Variants in POU2F1 observed in about 807,000 individuals in gnomAD.
POU2F1 encodes POU domain, class 2, transcription factor 1.
POU2F1 carries 16 observed loss-of-function variants against 84.9 expected under a neutral mutation model. The observed-to-expected ratio is 0.19, with a 90% CI of 0.13 to 0.29. The LOEUF (loss-of-function observed/expected upper bound fraction) is 0.29, where lower values mean the gene tolerates loss of function less well. Among genes scored for constraint, POU2F1 ranks in the 10% least tolerant of loss-of-function variants. POU2F1 has a pLI of 1.00. For synonymous variants in POU2F1, 368 were observed against 368.3 expected (o/e 1.00, Z 0.01); for missense variants, 738 against 942.6 (o/e 0.78, Z 2.84).
intron 1 of POU2F1, among the ~76,000 whole-genome samples, chr1:167,232,828 G>A (rs1649163438): frequency 6.7e-6 from 1 of 150,252 alleles, no homozygotes; most frequent in Admixed American, 6.6e-5. Flanking sequence ...GGGTGACAGA[G>A]TGTGAGACTC....
At chr1:167,285,710 C>T (rs763439855) in intron 1 of POU2F1, among the ~76,000 whole-genome samples, 3 of 152,124 alleles carry the variant, frequency 2.0e-5, no homozygotes, top group South Asian at 2.1e-4. Flanking sequence ...TCTTCTCTGC[C>T]GTATCCTGGG....
Position 167,412,269 on chromosome 1 carries a change from C to T in POU2F1, c.1866C>T (p.Asn622=), listed in dbSNP as rs1052172265. The change falls in exon 14 of 16, where the codon AAC becomes AAT. Residue 622 remains asparagine, a synonymous_variant. Transcript: ENST00000367866. ...CCATGGCAGCTGCTGCAGGACTAAA[C>T]CCAAGCCTGATGGCACCCTCACAGT... ...LAAMAAAAGL[N]PSLMAPSQFA... is the part of the protein sequence containing the mutation. 3 of 1,571,854 alleles carry T rather than the reference C, an allele frequency of 1.9e-6. No individual in the cohort carries two copies. Among genetic ancestry groups the T allele is most frequent in the Non-Finnish European group, 1.7e-6 (2 of 1,156,616 alleles).
chr1:167,274,125 CT>C (rs1652559443), intron 1 of POU2F1, among the ~76,000 whole-genome samples: 1 of 152,078 alleles, frequency 6.6e-6, no homozygotes, highest in Admixed American at 6.5e-5. Context: ...TTGAGATTTT[CT>C]TTTTGTGTGT....
intron 1 of POU2F1, among the ~76,000 whole-genome samples, chr1:167,224,814 G>C (rs1437594933): frequency 6.8e-6 from 1 of 146,092 alleles, no homozygotes; most frequent in Non-Finnish European, 1.5e-5. Context: ...GAAATCCATT[G>C]TCACTGTCTT....
chr1:167,226,341 A>G (rs1648630072), intron 1 of POU2F1, among the ~76,000 whole-genome samples: 1 of 152,024 alleles, frequency 6.6e-6, no homozygotes, highest in African/African-American at 2.4e-5. Flanking sequence ...TATCCTTTTG[A>G]GTGGTTGAAA....
chr1:167,289,347 C>T (rs1653754248), intron 1 of POU2F1, among the ~76,000 whole-genome samples: 1 of 152,186 alleles, frequency 6.6e-6, no homozygotes, highest in African/African-American at 2.4e-5. Flanking sequence ...CTGTGCTCAG[C>T]AAGCTTACCT....
intron 1 of POU2F1, among the ~76,000 whole-genome samples, chr1:167,233,683 T>C (rs575856804): frequency 6.6e-6 from 1 of 152,328 alleles, no homozygotes; most frequent in Admixed American, 6.5e-5. Flanking sequence ...TTGAAACTAA[T>C]GAAAACACAG....
chr1:167,402,009 G>A (rs1649246221), intron 13 of POU2F1, among the ~76,000 whole-genome samples: 1 of 152,126 alleles, frequency 6.6e-6, no homozygotes, highest in African/African-American at 2.4e-5. Context: ...TATTATAAAT[G>A]ATTTTATTTT....
At chr1:167,300,714 C>T (rs1393471435) in intron 1 of POU2F1, among the ~76,000 whole-genome samples, 4 of 152,074 alleles carry the variant, frequency 2.6e-5, no homozygotes, top group East Asian at 1.9e-4. Context: ...CCGCCCACCT[C>T]GGCCTCCCAA....
rs1269726981 is a variant in POU2F1 at position 167,420,779 on chromosome 1, C to T, written c.*4969C>T. 6.6e-6 allele frequency: 1 copy of T among 152,194 alleles called. No homozygotes were observed. Among genetic ancestry groups the T allele is most frequent in the African/African-American group, 2.4e-5 (1 of 41,412 alleles). The allele number at this position is 152,194 out of a possible 1,614,324, so 9.4% of individuals were successfully genotyped here. On this transcript the variant is annotated 3_prime_UTR_variant, in exon 16 of 16. Transcript: ENST00000367866. ...GCAGGGGATTCACGCTGACAGGTGG[C>T]TCTGGCCTGGCTCTTGGGGGGCCTT...
chr1:167,362,119 T>G (rs114082163), intron 2 of POU2F1, among the ~76,000 whole-genome samples: 2,415 of 152,320 alleles, frequency 0.016, 27 homozygotes, highest in Non-Finnish European at 0.023. Context: ...TTCTCTCTCC[T>G]TTCCTTGTAG....
At chr1:167,247,566 T>C (rs2036194) in intron 1 of POU2F1, among the ~76,000 whole-genome samples, 7,718 of 152,266 alleles carry the variant, frequency 0.051, 447 homozygotes, top group Admixed American at 0.18. Context: ...TATATAGTAC[T>C]TACTAGGCTT....
chr1:167,300,461 T>C (rs1414565626), intron 1 of POU2F1, among the ~76,000 whole-genome samples: 1 of 152,092 alleles, frequency 6.6e-6, no homozygotes, highest in Non-Finnish European at 1.5e-5. Flanking sequence ...TTGTGAAAAC[T>C]CTTATTTTTT....
intron 8 of POU2F1, among the ~76,000 whole-genome samples, chr1:167,384,867 T>C (rs1647844152): frequency 1.3e-5 from 2 of 151,834 alleles, no homozygotes; most frequent in African/African-American, 4.8e-5. Flanking sequence ...GACAATAAAA[T>C]AAAATATTAA....
chr1:167,352,634 T>A (rs113749090), intron 2 of POU2F1, among the ~76,000 whole-genome samples: 15 of 152,310 alleles, frequency 9.8e-5, no homozygotes, highest in South Asian at 2.1e-4. Context: ...TTAGAAAAAA[T>A]TTCTTATTTG....
intron 1 of POU2F1, among the ~76,000 whole-genome samples, chr1:167,276,268 G>A (rs569187120): frequency 3.3e-5 from 5 of 152,070 alleles, no homozygotes; most frequent in African/African-American, 9.7e-5. Flanking sequence ...ATTCAGTAGC[G>A]GCCTATGTTA....
chr1:167,278,588 GT>G (rs1371874066), intron 1 of POU2F1, among the ~76,000 whole-genome samples: 1 of 152,176 alleles, frequency 6.6e-6, no homozygotes, highest in Non-Finnish European at 1.5e-5. Flanking sequence ...ATTCGACACA[GT>G]TTAGGAACTA....
rs971336565 is a variant in POU2F1, at chr1:167,423,081, C to A, written c.*7271C>A. ...CTTTATCTAATACTTTTAAATAGAA[C>A]CAACACAGCCTATATGAGTTCAGAC... is the stretch of plus-strand genomic sequence containing the variant. On this transcript the variant is annotated 3_prime_UTR_variant, in exon 16 of 16. Coordinates refer to ENST00000367866, the MANE Select transcript of POU2F1 (RefSeq NM_002697.4). 9 of 152,134 alleles carry A rather than the reference C, an allele frequency of 5.9e-5. No homozygotes were observed. Among genetic ancestry groups the A allele is most frequent in the African/African-American group, 2.2e-4 (9 of 41,420 alleles). 9.4% of individuals were successfully genotyped at this position (152,134 alleles called of 1,614,324 possible).
chr1:167,263,378 G>T (rs1257237789), intron 1 of POU2F1, among the ~76,000 whole-genome samples: 1 of 151,946 alleles, frequency 6.6e-6, no homozygotes, highest in East Asian at 1.9e-4. Flanking sequence ...AAATTAGCCG[G>T]GCGTGGTAGC....
Sources: gnomAD v4.1 joint callset for allele counts (sites outside exome capture counted in the v4.1 genomes callset) on GRCh38, gnomAD v4.1.1 for gene constraint, MANE v1.5 for transcripts, NCBI Gene and HGNC (gene_info 2026-07-23, HGNC 2026-07-21) for gene names.